Variants in MAML2 observed in about 807,000 individuals in gnomAD.
MAML2 encodes mastermind-like protein 2.
A neutral mutation model predicts 96.1 loss-of-function variants in MAML2; 22 were observed. The ratio of observed to expected loss-of-function variants is 0.23; its 90% CI spans 0.16 to 0.33. The LOEUF is 0.33. Among genes scored for constraint, MAML2 ranks in the 10% least tolerant of loss-of-function variants. The pLI is 1.00. For synonymous variants in MAML2, 561 were observed against 521.3 expected, an observed-to-expected ratio of 1.08 and a Z score of -1.04; for missense variants, 1,367 against 1,392.4, an observed-to-expected ratio of 0.98 and a Z score of 0.29.
intron 1 of MAML2, among the ~76,000 whole-genome samples, chr11:96,146,753 C>T (rs1421636997): frequency 1.3e-5 from 2 of 152,168 alleles, no homozygotes; most frequent in Non-Finnish European, 1.5e-5. Flanking sequence ...CTTGAGGATT[C>T]CTCATCTATT....
At chr11:96,080,053 T>C (rs1859508091) in intron 2 of MAML2, among the ~76,000 whole-genome samples, 1 of 152,250 alleles carries the variant, frequency 6.6e-6, no homozygotes, top group Non-Finnish European at 1.5e-5. Flanking sequence ...ATATGACCCC[T>C]GGATAAGAAT....
intron 1 of MAML2, among the ~76,000 whole-genome samples, chr11:96,279,088 G>A (rs537143696): frequency 6.6e-6 from 1 of 151,876 alleles, no homozygotes; most frequent in East Asian, 1.9e-4. Flanking sequence ...ATAAAAGACT[G>A]ATTGACTGAC....
chr11:96,253,567 G>T (rs930908189), intron 1 of MAML2, among the ~76,000 whole-genome samples: 4 of 152,136 alleles, frequency 2.6e-5, no homozygotes, highest in African/African-American at 9.7e-5. Flanking sequence ...ATTGATTGCT[G>T]GGATTTTTGC....
In MAML2 at chr11:96,091,940, A is replaced by T; in HGVS notation, c.2091T>A (p.Asn697Lys). Residue 697 changes from asparagine to lysine, a missense_variant, in exon 2 of 5, where the codon AAT (asparagine) becomes AAA (lysine). Transcript: ENST00000524717. ...QQKLLLQQMQ[N>K]QPIAGMGYQV... ...GGTATCCCATTCCTGCAATGGGCTG[A>T]TTCTGCATTTGCTGAAGTAGGAGCT... The T allele has an allele frequency of 6.2e-7, 1 of 1,613,076 alleles. No homozygotes were observed. The highest frequency in any genetic ancestry group is 8.5e-7 in the Non-Finnish European group (1 of 1,179,566).
intron 1 of MAML2, among the ~76,000 whole-genome samples, chr11:96,307,095 C>T (rs1240373212): frequency 6.6e-6 from 1 of 152,176 alleles, no homozygotes; most frequent in African/African-American, 2.4e-5. Flanking sequence ...GCACCTCGCC[C>T]AACAAAATAC....
At chr11:96,045,966 T>G (rs1237554481) in intron 2 of MAML2, among the ~76,000 whole-genome samples, 1 of 152,076 alleles carries the variant, frequency 6.6e-6, no homozygotes, top group African/African-American at 2.4e-5. Context: ...CCTTCTGTTT[T>G]GTTAGGTCTT....
intron 1 of MAML2, among the ~76,000 whole-genome samples, chr11:96,182,957 C>CTTTTTTTTTTTTTTTTTTTTTTTTTTTT (rs11301035): frequency 9.2e-6 from 1 of 108,256 alleles, no homozygotes; most frequent in Non-Finnish European, 1.9e-5. Context: ...CCTTTCTTTT[C>CTTTTTTTTTTTTTTTTTTTTTTTTTTTT]TTTTTTTTTT....
Position 96,068,055 on chromosome 11 carries a change from C to A in MAML2, c.2139+23837G>T, listed in dbSNP as rs184002975. Among the ~76,000 whole-genome samples, 466 of 152,164 alleles carry A rather than the reference C, an allele frequency of 3.1e-3. 5 individuals are homozygous for A. Among genetic ancestry groups the A allele is most frequent in the Non-Finnish European group, 5.8e-3 (397 of 68,012 alleles). On this transcript the variant is annotated intron_variant, in intron 2 of 4. Transcript: ENST00000524717. ...AGTTCGTTTTTTAAAAATCCCTCAC[C>A]CACTGACATTTCTGGTTCAACAAGT...
chr11:96,332,108 G>A (rs114450344), intron 1 of MAML2, among the ~76,000 whole-genome samples: 15 of 152,274 alleles, frequency 9.9e-5, no homozygotes, highest in African/African-American at 3.4e-4. Flanking sequence ...TATGATCTGG[G>A]TGCTACTCTG....
In MAML2 at chr11:96,088,211, G is replaced by T. The variant is rs1473902932; in HGVS notation, c.2139+3681C>A. ...AGGAACTTGGCTTTAAACTAAGGAG[G>T]CAATGTACAAATTTATGTTTCAGTC... On this transcript the variant is annotated intron_variant, in intron 2 of 4. Transcript: ENST00000524717. Among the ~76,000 whole-genome samples the T allele has an allele frequency of 2.0e-5, 3 of 152,208 alleles. No homozygotes were observed. In the South Asian group the frequency reaches 6.2e-4, roughly 32 times the overall value.
At chr11:96,123,143 C>A (rs1860378967) in intron 1 of MAML2, among the ~76,000 whole-genome samples, 2 of 152,346 alleles carry the variant, frequency 1.3e-5, no homozygotes, top group South Asian at 4.1e-4. Flanking sequence ...ACTGCCCCCA[C>A]TGCTGGAAGC....
chr11:96,319,257 G>A (rs991719769), intron 1 of MAML2, among the ~76,000 whole-genome samples: 1 of 152,146 alleles, frequency 6.6e-6, no homozygotes, highest in Non-Finnish European at 1.5e-5. Context: ...CCTCAACCTG[G>A]CTTTGAGGGG....
intron 1 of MAML2, among the ~76,000 whole-genome samples, chr11:96,114,257 C>G (rs773222412): frequency 2.6e-5 from 4 of 152,176 alleles, no homozygotes; most frequent in Admixed American, 6.5e-5. Flanking sequence ...CTGACCATTC[C>G]TTGATGGTTC....
intron 1 of MAML2, among the ~76,000 whole-genome samples, chr11:96,180,424 C>T (rs1375984404): frequency 1.3e-5 from 2 of 152,150 alleles, no homozygotes; most frequent in African/African-American, 4.8e-5. Flanking sequence ...TTTCAGGATG[C>T]TTATGCTGGG....
intron 1 of MAML2, among the ~76,000 whole-genome samples, chr11:96,211,453 A>G (rs1242001167): frequency 6.6e-6 from 1 of 151,788 alleles, no homozygotes; most frequent in East Asian, 1.9e-4. Context: ...AATTAAAAAA[A>G]AAAAAAAAGA....
Position 96,003,842 on chromosome 11 carries a change from G to C in MAML2, c.2140-12119C>G, listed in dbSNP as rs1401559493. 3.3e-5 allele frequency among the ~76,000 whole-genome samples: 5 copies of C among 151,920 alleles called. No individual in the cohort carries two copies. The East Asian group carries it at 9.6e-4, about 29-fold the overall frequency. On this transcript the variant is annotated intron_variant, in intron 2 of 4. Transcript: ENST00000524717. Reference sequence around the variant, plus strand: ...TTAGATTAAATAATATACAATTTCTGATCATCAGATAGTGATGGTAGCATA... The same window carrying C: ...TTAGATTAAATAATATACAATTTCTCATCATCAGATAGTGATGGTAGCATA...
intron 1 of MAML2, among the ~76,000 whole-genome samples, chr11:96,212,630 A>G (rs966680963): frequency 2.6e-5 from 4 of 152,166 alleles, no homozygotes; most frequent in African/African-American, 9.7e-5. Flanking sequence ...CACTGTCACC[A>G]CCCTTTCACA....
chr11:96,023,907 A>T (rs1858475057), intron 2 of MAML2, among the ~76,000 whole-genome samples: 1 of 152,220 alleles, frequency 6.6e-6, no homozygotes, highest in Non-Finnish European at 1.5e-5. Flanking sequence ...AGTTTTGCTG[A>T]ATAAGGACAG....
chr11:96,144,613 T>G (rs1043774355), intron 1 of MAML2, among the ~76,000 whole-genome samples: 9 of 152,202 alleles, frequency 5.9e-5, no homozygotes, highest in African/African-American at 2.2e-4. Context: ...GCTTATTATC[T>G]GATGAATGGC....
Sources: allele counts gnomAD v4.1 joint callset (sites outside exome capture counted in the v4.1 genomes callset), GRCh38; gene constraint gnomAD v4.1.1; transcripts MANE v1.5; gene names NCBI Gene and HGNC (gene_info 2026-07-23, HGNC 2026-07-21).